EPB41: variants seen among roughly 807,000 people sequenced by gnomAD.
EPB41 encodes erythrocyte membrane protein band 4.1.
EPB41 carries 65 observed loss-of-function variants against 108.0 expected under a neutral mutation model. The ratio of observed to expected loss-of-function variants is 0.60; its 90% confidence interval spans 0.49 to 0.74. The LOEUF (loss-of-function observed/expected upper bound fraction) is 0.74. Ranked by LOEUF, EPB41 falls within the 30% of genes least tolerant of loss-of-function variation. The pLI is 0.00. For missense variants in EPB41, 875 were observed against 1,037.0 expected (o/e 0.84, Z 2.15); for synonymous variants, 336 against 358.9 (o/e 0.94, Z 0.72).
At chr1:28,898,565 T>G (rs529530537) in intron 1 of EPB41, among the ~76,000 whole-genome samples, 8 of 152,356 alleles carry the variant, frequency 5.3e-5, no homozygotes, top group Non-Finnish European at 1.2e-4. Flanking sequence ...AAACAGGAGC[T>G]AATTAAGCCA....
intron 3 of EPB41, among the ~76,000 whole-genome samples, chr1:28,994,630 C>CT (rs1296938007): frequency 7.1e-4 from 87 of 122,268 alleles, no homozygotes; most frequent in African/African-American, 2.5e-3. Flanking sequence ...GTGGAACAAA[C>CT]TATTTTATTT....
At chr1:28,999,715 A>G (rs1475038401) in intron 4 of EPB41, among the ~76,000 whole-genome samples, 4 of 152,086 alleles carry the variant, frequency 2.6e-5, no homozygotes, top group Non-Finnish European at 5.9e-5. Flanking sequence ...TTTCAGTTAC[A>G]CTGAAAACTT....
At chr1:28,990,333 T>TTCCTTCCTTCCC (rs1162241720) in intron 2 of EPB41, among the ~76,000 whole-genome samples, 9 of 127,238 alleles carry the variant, frequency 7.1e-5, no homozygotes, top group African/African-American at 9.1e-5. Flanking sequence ...CCTTCCTTCC[T>TTCCTTCCTTCCC]TCCCTCCCTC....
At chr1:28,942,980 T>A (rs564332364) in intron 1 of EPB41, among the ~76,000 whole-genome samples, 2 of 152,342 alleles carry the variant, frequency 1.3e-5, no homozygotes, top group South Asian at 2.1e-4. Flanking sequence ...CTTTGTGGAT[T>A]TCATTCCTCC....
In EPB41 at chr1:29,103,525, G is replaced by A. The variant is rs573989125; in HGVS notation, c.2313+5590G>A. 1.2e-4 allele frequency among the ~76,000 whole-genome samples: 19 copies of A among 152,264 alleles called. 1 individual carries two copies. The highest frequency in any genetic ancestry group is 3.1e-4 in the African/African-American group (13 of 41,558). ...TACTGTGATCAAGTTATTGAAATAAGCACAATGTTTGCCTGGTATTTATTA... is the reference window on the plus strand; with the variant it reads ...TACTGTGATCAAGTTATTGAAATAAACACAATGTTTGCCTGGTATTTATTA... On this transcript the variant is annotated intron_variant, in intron 17 of 20. Transcript: ENST00000343067.
At chr1:29,006,821 G>A (rs1181102793) in intron 4 of EPB41, among the ~76,000 whole-genome samples, 1 of 151,698 alleles carries the variant, frequency 6.6e-6, no homozygotes, top group Non-Finnish European at 1.5e-5. Flanking sequence ...GATTGCTTGA[G>A]CCGGAGAGGT....
At chr1:28,940,393 T>A (rs1477101879) in intron 1 of EPB41, among the ~76,000 whole-genome samples, 1 of 152,226 alleles carries the variant, frequency 6.6e-6, no homozygotes, top group Non-Finnish European at 1.5e-5. Flanking sequence ...GGCTCACGGC[T>A]GTAATCCCAG....
intron 1 of EPB41, among the ~76,000 whole-genome samples, chr1:28,929,751 C>G (rs906939994): frequency 6.7e-6 from 1 of 148,574 alleles, no homozygotes; most frequent in African/African-American, 2.5e-5. Context: ...GGCGGCTAGT[C>G]TCGAACTCCT....
intron 1 of EPB41, among the ~76,000 whole-genome samples, chr1:28,944,195 T>C (rs577685689): frequency 6.6e-6 from 1 of 152,136 alleles, no homozygotes; most frequent in South Asian, 2.1e-4. Flanking sequence ...GAAGGATGGC[T>C]ACCAGAGGCT....
At chr1:28,974,041 G>A in intron 1 of EPB41, among the ~76,000 whole-genome samples, 1 of 152,088 alleles carries the variant, frequency 6.6e-6, no homozygotes, top group East Asian at 1.9e-4. Context: ...CTTTTTCTAG[G>A]CTAAAGGTCC....
chr1:29,024,283 C>T (rs1404221429), intron 7 of EPB41, among the ~76,000 whole-genome samples: 3 of 150,786 alleles, frequency 2.0e-5, no homozygotes, highest in Admixed American at 6.6e-5. Context: ...TGCAGTGAGC[C>T]GAGATCATGC....
Position 29,106,564 on chromosome 1 carries a change from ATTTTTT to A in EPB41, c.2314-2750_2314-2745del, listed in dbSNP as rs1187973613. Among the ~76,000 whole-genome samples, 21 of 50,890 alleles carry A rather than the reference ATTTTTT, an allele frequency of 4.1e-4. 1 individual carries two copies. Among genetic ancestry groups the A allele is most frequent in the African/African-American group, 1.4e-3 (16 of 11,764 alleles). The allele number at this position is 50,890 out of a possible 152,430, so 33.4% of individuals were successfully genotyped here. On this transcript the variant is annotated intron_variant, in intron 17 of 20. Coordinates refer to ENST00000343067, the MANE Select transcript of EPB41 (RefSeq NM_001376013.1). ...CCTCTCAGCCTCCCGAGTAGCTGGG[ATTTTTT>A]TTTTTTTTTTTTTTTTTTTTTGAGA...
chr1:28,988,155 C>T (rs2095912707), intron 2 of EPB41, among the ~76,000 whole-genome samples: 1 of 152,134 alleles, frequency 6.6e-6, no homozygotes, highest in South Asian at 2.1e-4. Flanking sequence ...CCCAGCTACT[C>T]AGGAGGCTGA....
intron 15 of EPB41, among the ~76,000 whole-genome samples, chr1:29,061,459 C>T (rs1009325206): frequency 1.3e-5 from 2 of 150,458 alleles, no homozygotes; most frequent in Admixed American, 6.6e-5. Flanking sequence ...TTAGTAGAGA[C>T]GGGGTTTCAC....
chr1:29,009,835 A>T (rs2096469115), intron 4 of EPB41, among the ~76,000 whole-genome samples: 1 of 152,180 alleles, frequency 6.6e-6, no homozygotes, highest in African/African-American at 2.4e-5. Context: ...TTCTGGTTTA[A>T]TTGTGGTGGG....
At chr1:29,102,915 G>A (rs1231188507) in intron 17 of EPB41, among the ~76,000 whole-genome samples, 1 of 152,124 alleles carries the variant, frequency 6.6e-6, no homozygotes, top group East Asian at 1.9e-4. Context: ...TGGGATTACA[G>A]GCACCCACCA....
intron 16 of EPB41, among the ~76,000 whole-genome samples, chr1:29,082,344 G>A (rs1376685570): frequency 1.3e-5 from 2 of 152,112 alleles, no homozygotes; most frequent in East Asian, 1.9e-4. Context: ...GGCTGGTCTC[G>A]AACTCCTGAC....
In EPB41 at chr1:28,887,198, G is replaced by A; in HGVS notation, c.-20G>A. ...GAACGCGGTCGGCCCGGTCCCCGCC[G>A]CACCCAGCCCAGGTGAGCCTGGACC... On this transcript the variant is annotated 5_prime_UTR_variant, in exon 1 of 17. Transcript: ENST00000347529. The surrounding 1 kb of genome is among the most constrained non-coding windows in gnomAD (Gnocchi z 4.9). 1 of 1,269,584 alleles carries A rather than the reference G, an allele frequency of 7.9e-7. No individual in the cohort carries two copies. The allele number at this position is 1,269,584 out of a possible 1,614,324, so 78.6% of individuals were successfully genotyped here.
chr1:28,989,214 G>A (rs1183300094), intron 2 of EPB41: 2 of 158,376 alleles, frequency 1.3e-5, no homozygotes, highest in East Asian at 3.8e-4. Flanking sequence ...TATCACCTGT[G>A]TAATGTATAT....
Sources: gnomAD v4.1 joint callset for allele counts (sites outside exome capture counted in the v4.1 genomes callset) on GRCh38, gnomAD v4.1.1 for gene constraint, Gnocchi (gnomAD v3.1) non-coding constraint, MANE v1.5 for transcripts, NCBI Gene and HGNC (gene_info 2026-07-23, HGNC 2026-07-21) for gene names.